The following ACVR2A variants were observed in gnomAD, a reference collection of about 807,000 sequenced individuals.
ACVR2A encodes activin receptor type-2A.
ACVR2A carries 7 observed loss-of-function variants against 61.4 expected under a neutral mutation model. The observed-to-expected ratio is 0.11, with a 90% CI of 0.06 to 0.21. The LOEUF is 0.21. Among genes scored for constraint, ACVR2A ranks in the 10% least tolerant of loss-of-function variants. The probability of loss-of-function intolerance (pLI) is 1.00; values close to 1 mark genes in which losing one functional copy is unlikely to be tolerated. For missense variants in ACVR2A, 322 were observed against 621.7 expected, an observed-to-expected ratio of 0.52 and a Z score of 5.13; for synonymous variants, 193 against 208.3, an observed-to-expected ratio of 0.93 and a Z score of 0.63.
intron 1 of ACVR2A, among the ~76,000 whole-genome samples, chr2:147,870,379 T>C (rs1285665757): frequency 6.6e-6 from 1 of 152,166 alleles, no homozygotes; most frequent in Non-Finnish European, 1.5e-5. Context: ...CCTTTTTTGA[T>C]TTAGTCTTTG....
intron 1 of ACVR2A, among the ~76,000 whole-genome samples, chr2:147,893,346 C>G (rs1686637055): frequency 6.6e-6 from 1 of 152,176 alleles, no homozygotes; most frequent in South Asian, 2.1e-4. Context: ...GAACAGTCAT[C>G]TACAGATTTT....
At chr2:147,872,152 ACTT>A (rs1214182524) in intron 1 of ACVR2A, among the ~76,000 whole-genome samples, 1 of 152,002 alleles carries the variant, frequency 6.6e-6, no homozygotes, top group African/African-American at 2.4e-5. Context: ...TTGATAGCTC[ACTT>A]CTTAAGTGTG....
intron 1 of ACVR2A, among the ~76,000 whole-genome samples, chr2:147,853,576 A>G (rs754234528): frequency 6.6e-6 from 1 of 152,102 alleles, no homozygotes; most frequent in African/African-American, 2.4e-5. Flanking sequence ...CACACTGGGA[A>G]TTACTTTATT....
At chr2:147,892,974 A>T (rs1471319476) in intron 1 of ACVR2A, among the ~76,000 whole-genome samples, 3 of 152,218 alleles carry the variant, frequency 2.0e-5, no homozygotes, top group South Asian at 4.2e-4. Context: ...AGAATATATG[A>T]ACCATACATA....
intron 1 of ACVR2A, among the ~76,000 whole-genome samples, chr2:147,846,961 A>T (rs980494983): frequency 6.6e-6 from 1 of 152,114 alleles, no homozygotes; most frequent in African/African-American, 2.4e-5. Context: ...ATTCTTGAGC[A>T]GTCTCAAGGT....
chr2:147,867,273 A>G (rs1310128366), intron 1 of ACVR2A, among the ~76,000 whole-genome samples: 1 of 152,148 alleles, frequency 6.6e-6, no homozygotes, highest in Non-Finnish European at 1.5e-5. Flanking sequence ...GTTGGCTAAG[A>G]AGGGATGTAA....
At position 147,856,155 on chromosome 2, in the gene ACVR2A, C is replaced by T. The variant is rs1261333559; in HGVS notation, c.55+10948C>T. ...AGGTATTCAGCTTGAATGTTTTTATCTGGAAAGATTTCAATCCTCTCCTGT... is the reference window on the plus strand; with the variant it reads ...AGGTATTCAGCTTGAATGTTTTTATTTGGAAAGATTTCAATCCTCTCCTGT... On this transcript the variant is annotated intron_variant, in intron 1 of 10. Coordinates refer to ENST00000241416, the MANE Select transcript of ACVR2A (RefSeq NM_001616.5). 3.3e-5 allele frequency among the ~76,000 whole-genome samples: 5 copies of T among 152,254 alleles called. No individual in the cohort carries two copies. In the East Asian group the frequency reaches 5.8e-4, roughly 18 times the overall value.
At chr2:147,896,168 C>A in intron 1 of ACVR2A, 133 bp from the exon 2 acceptor site, 1 of 745,364 alleles carries the variant, frequency 1.3e-6, no homozygotes, top group Non-Finnish European at 2.1e-6. Context: ...ACCTGGAAAC[C>A]TAAACCCAAA....
intron 4 of ACVR2A, among the ~76,000 whole-genome samples, chr2:147,906,839 T>A (rs1173251853): frequency 1.4e-5 from 2 of 147,360 alleles, no homozygotes; most frequent in African/African-American, 2.6e-5. Context: ...TTTTTTTTTT[T>A]AACTTTAAAT....
chr2:147,891,746 C>T (rs1345419627), intron 1 of ACVR2A, among the ~76,000 whole-genome samples: 1 of 152,128 alleles, frequency 6.6e-6, no homozygotes, highest in Non-Finnish European at 1.5e-5. Flanking sequence ...ACCACATGGC[C>T]TGTAAAGCCT....
At position 147,922,288 on chromosome 2, in the gene ACVR2A, A is replaced by C. The variant is rs539017585; in HGVS notation, c.1078-685A>C. 2.6e-5 allele frequency among the ~76,000 whole-genome samples: 4 copies of C among 152,214 alleles called. No individual in the cohort carries two copies. The East Asian group carries it at 7.7e-4, about 29-fold the overall frequency. On this transcript the variant is annotated intron_variant, in intron 8 of 10. Transcript: ENST00000241416. ...GAGTAGAGATTATAGCCACCTAAGG[A>C]TGGAGCGTTATGGACGTACCAATAT...
intron 1 of ACVR2A, among the ~76,000 whole-genome samples, chr2:147,880,239 C>T (rs529006810): frequency 1.6e-4 from 24 of 152,100 alleles, no homozygotes; most frequent in Admixed American, 1.2e-3. Flanking sequence ...TAGGTTCTTG[C>T]TATGTTGCTT....
At chr2:147,898,600 A>G (rs1250391823) in intron 2 of ACVR2A, among the ~76,000 whole-genome samples, 1 of 152,132 alleles carries the variant, frequency 6.6e-6, no homozygotes, top group Non-Finnish European at 1.5e-5. Flanking sequence ...TCTGACAACT[A>G]TCAAAAAAGT....
chr2:147,908,055 GA>G (rs1038557736), intron 4 of ACVR2A, among the ~76,000 whole-genome samples: 4 of 121,296 alleles, frequency 3.3e-5, no homozygotes, highest in African/African-American at 1.2e-4. Flanking sequence ...AAAAAAAAAA[GA>G]AAAAAAAGAA....
At chr2:147,910,946 G>C (rs2105208294) in intron 4 of ACVR2A, among the ~76,000 whole-genome samples, 2 of 152,210 alleles carry the variant, frequency 1.3e-5, no homozygotes, top group South Asian at 4.1e-4. Context: ...CACGCACATA[G>C]CCACCAGAAA....
At chr2:147,860,773 G>A (rs1399926458) in intron 1 of ACVR2A, among the ~76,000 whole-genome samples, 2 of 152,158 alleles carry the variant, frequency 1.3e-5, no homozygotes, top group African/African-American at 4.8e-5. Flanking sequence ...GCCGAGTTGG[G>A]ATTCTTGCTT....
rs567447385 is a variant in ACVR2A, at chr2:147,845,270, G to A, written c.55+63G>A. On this transcript the variant is annotated intron_variant, in intron 1 of 10. Coordinates refer to ENST00000241416, the MANE Select transcript of ACVR2A (RefSeq NM_001616.5). ...GCGGCCGCGGCGGCCGCTGCTGGGG[G>A]CCGCGGCTGGTGTTGAGTCGGAGAG... 11 of 1,534,756 alleles carry A rather than the reference G, an allele frequency of 7.2e-6. No individual in the cohort carries two copies. The East Asian group carries it at 2.3e-4, about 32-fold the overall frequency.
chr2:147,902,588 T>C (rs186271737), intron 4 of ACVR2A, among the ~76,000 whole-genome samples: 18 of 152,042 alleles, frequency 1.2e-4, no homozygotes, highest in Non-Finnish European at 2.5e-4. Flanking sequence ...GAAGGGCATA[T>C]TCATGTGTTT....
intron 1 of ACVR2A, among the ~76,000 whole-genome samples, chr2:147,892,942 T>C (rs565266858): frequency 1.3e-5 from 2 of 152,290 alleles, no homozygotes; most frequent in Admixed American, 1.3e-4. Context: ...TTTTTAGATA[T>C]GCAATTCCAT....
Sources: gnomAD v4.1 joint callset for allele counts (sites outside exome capture counted in the v4.1 genomes callset) on GRCh38, gnomAD v4.1.1 for gene constraint, MANE v1.5 for transcripts, NCBI Gene and HGNC (gene_info 2026-07-23, HGNC 2026-07-21) for gene names.